RBFOX1: variants seen among roughly 807,000 people sequenced by gnomAD.
The protein encoded by RBFOX1 is RNA binding fox-1 homolog 1.
In RBFOX1, 8 loss-of-function variants were observed where a neutral mutation model predicts 57.7. That is an observed-to-expected ratio of 0.14 (90% CI 0.08 to 0.25). The LOEUF is 0.25. Ranked by LOEUF, RBFOX1 falls within the 10% of genes least tolerant of loss-of-function variation. The pLI, the probability that RBFOX1 is intolerant of heterozygous loss-of-function variation, is 1.00. For synonymous variants in RBFOX1, 326 were observed against 222.4 expected, an observed-to-expected ratio of 1.47 and a Z score of -4.15; for missense variants, 611 against 548.5, an observed-to-expected ratio of 1.11 and a Z score of -1.14.
At chr16:7,077,760 T>C (rs183023851) in intron 4 of RBFOX1, among the ~76,000 whole-genome samples, 1 of 152,220 alleles carries the variant, frequency 6.6e-6, no homozygotes, top group Non-Finnish European at 1.5e-5. Context: ...ACTTGTCCTG[T>C]TAGCAGCTTT....
At chr16:6,769,974 A>T (rs1409618953) in intron 3 of RBFOX1, among the ~76,000 whole-genome samples, 1 of 152,144 alleles carries the variant, frequency 6.6e-6, no homozygotes, top group Non-Finnish European at 1.5e-5. Flanking sequence ...CCTGCAGGCT[A>T]CAGGTCCTTT....
chr16:6,689,809 A>G (rs1019125627), intron 3 of RBFOX1, among the ~76,000 whole-genome samples: 3 of 152,172 alleles, frequency 2.0e-5, no homozygotes, highest in Non-Finnish European at 2.9e-5. Context: ...GACTCAATGC[A>G]CAGACTTCTT....
intron 4 of RBFOX1, among the ~76,000 whole-genome samples, chr16:7,238,933 G>T (rs185201392): frequency 6.6e-6 from 1 of 152,258 alleles, no homozygotes; most frequent in Non-Finnish European, 1.5e-5. Flanking sequence ...GAGAATGAGA[G>T]CCTCCAGTTT....
At chr16:7,126,273 G>T (rs376911316) in intron 4 of RBFOX1, 6 of 308,780 alleles carry the variant, frequency 1.9e-5, no homozygotes, top group Non-Finnish European at 1.9e-5. Context: ...TGTGTCTTCA[G>T]TCTTGAAGGA....
chr16:7,069,989 G>C lies in RBFOX1; in HGVS notation c.27+17891G>C, dbSNP rs900726083. Among the ~76,000 whole-genome samples the C allele has an allele frequency of 2.0e-5, 3 of 152,160 alleles. No individual in the cohort carries two copies. The South Asian group carries it at 6.2e-4, about 32-fold the overall frequency. Reference sequence around the variant, plus strand: ...ATAATTCCATCAAGTAAGGTTTTCTGATCAGTGGATATTCTCATCATCATC... The same window carrying C: ...ATAATTCCATCAAGTAAGGTTTTCTCATCAGTGGATATTCTCATCATCATC... On this transcript the variant is annotated intron_variant, in intron 4 of 15. Transcript: ENST00000550418.
At chr16:5,508,326 C>T (rs1389839249) in intron 2 of RBFOX1, among the ~76,000 whole-genome samples, 1 of 152,166 alleles carries the variant, frequency 6.6e-6, no homozygotes, top group Non-Finnish European at 1.5e-5. Context: ...CCACCCTCAG[C>T]TCCTTGCCAA....
intron 1 of RBFOX1, among the ~76,000 whole-genome samples, chr16:5,396,332 G>C (rs2066554559): frequency 6.6e-6 from 1 of 152,110 alleles, no homozygotes; most frequent in Non-Finnish European, 1.5e-5. Context: ...TGGGTCAGTA[G>C]GTGGCTGAAT....
rs35458939 is a variant in RBFOX1 at position 6,042,102 on chromosome 16, CT to C, written c.-127+22126del. On this transcript the variant is annotated intron_variant, in intron 1 of 15. Transcript: ENST00000550418. ...GTCTCATCTCCTGGACTCTCTCCTACTTTTTTTTTTTTTTTTGAGACAGAGT... is the reference window on the plus strand; with the variant it reads ...GTCTCATCTCCTGGACTCTCTCCTACTTTTTTTTTTTTTTTGAGACAGAGT... Among the ~76,000 whole-genome samples the C allele has an allele frequency of 2.7e-3, 383 of 140,846 alleles. 2 individuals carry two copies. Among genetic ancestry groups the C allele is most frequent in the African/African-American group, 5.6e-3 (217 of 38,468 alleles). 92.4% of individuals were successfully genotyped at this position (140,846 alleles called of 152,430 possible). A position where few individuals can be genotyped will look rare whatever the true frequency, so the allele number is the denominator to read the frequency against.
intron 2 of RBFOX1, among the ~76,000 whole-genome samples, chr16:6,362,039 C>T (rs1191796364): frequency 6.6e-6 from 1 of 152,026 alleles, no homozygotes; most frequent in Non-Finnish European, 1.5e-5. Flanking sequence ...TTCTAGTGTC[C>T]TGAAGCAAAT....
intron 2 of RBFOX1, among the ~76,000 whole-genome samples, chr16:6,447,369 T>C (rs117520919): frequency 6.6e-6 from 1 of 152,218 alleles, no homozygotes; most frequent in Admixed American, 6.5e-5. Context: ...AACAATTACA[T>C]ACCTGTTTGA....
intron 2 of RBFOX1, among the ~76,000 whole-genome samples, chr16:5,527,679 G>T (rs780797323): frequency 6.6e-6 from 1 of 152,108 alleles, no homozygotes; most frequent in Non-Finnish European, 1.5e-5. Flanking sequence ...TTTTGTGCTT[G>T]AGCTGCAGAC....
chr16:6,998,170 C>G (rs1465143545), intron 3 of RBFOX1, among the ~76,000 whole-genome samples: 3 of 151,982 alleles, frequency 2.0e-5, no homozygotes, highest in Admixed American at 2.0e-4. Context: ...AAAATGAAAG[C>G]AGCCAAAGCA....
intron 4 of RBFOX1, among the ~76,000 whole-genome samples, chr16:7,114,171 G>A (rs562322768): frequency 2.0e-5 from 3 of 152,304 alleles, no homozygotes; most frequent in Admixed American, 6.5e-5. Context: ...CAGAGTTGGT[G>A]TTCAGAGGCA....
intron 3 of RBFOX1, among the ~76,000 whole-genome samples, chr16:6,885,055 T>C (rs936650824): frequency 6.6e-6 from 1 of 152,232 alleles, no homozygotes; most frequent in Non-Finnish European, 1.5e-5. Flanking sequence ...TTATTTAATA[T>C]GAAATCTCCT....
chr16:6,610,142 C>A (rs992687962), intron 2 of RBFOX1, among the ~76,000 whole-genome samples: 3 of 152,138 alleles, frequency 2.0e-5, no homozygotes, highest in African/African-American at 4.8e-5. Context: ...ATGGACCTCA[C>A]GTTGATTCTC....
chr16:7,378,913 T>C (rs971113019), intron 4 of RBFOX1, among the ~76,000 whole-genome samples: 9 of 152,196 alleles, frequency 5.9e-5, no homozygotes, highest in Admixed American at 3.3e-4. Flanking sequence ...TATCACTGTT[T>C]CACCAGAAGA....
intron 4 of RBFOX1, among the ~76,000 whole-genome samples, chr16:7,266,193 T>C (rs2153090520): frequency 6.6e-6 from 1 of 152,070 alleles, no homozygotes; most frequent in East Asian, 2.0e-4. Context: ...CCCAAGATAG[T>C]GTGGATCTCC....
At chr16:7,224,923 C>G (rs1415122737) in intron 4 of RBFOX1, among the ~76,000 whole-genome samples, 2 of 152,146 alleles carry the variant, frequency 1.3e-5, no homozygotes, top group Middle Eastern at 3.2e-3. Context: ...AAGCACTGTC[C>G]TAGTCACAGT....
intron 4 of RBFOX1, among the ~76,000 whole-genome samples, chr16:7,272,344 C>T (rs899274980): frequency 2.6e-5 from 4 of 152,040 alleles, no homozygotes; most frequent in Admixed American, 6.6e-5. Context: ...ACCACTACAC[C>T]CAGCTAGTTT....
Sources: allele counts gnomAD v4.1 joint callset (sites outside exome capture counted in the v4.1 genomes callset), GRCh38; gene constraint gnomAD v4.1.1; transcripts MANE v1.5; gene names NCBI Gene and HGNC (gene_info 2026-07-23, HGNC 2026-07-21).